The following COL25A1 variants were observed in gnomAD, a reference collection of about 807,000 sequenced individuals.
The protein encoded by COL25A1 is collagen alpha-1(XXV) chain.
COL25A1 carries 103 observed loss-of-function variants against 128.4 expected under a neutral mutation model. That is an observed-to-expected ratio of 0.80 (90% CI 0.68 to 0.94). COL25A1 has a LOEUF of 0.94. Among genes scored for constraint, COL25A1 ranks in the 40% least tolerant of loss-of-function variants. The probability of loss-of-function intolerance (pLI) is 0.00; values close to 1 mark genes in which losing one functional copy is unlikely to be tolerated. For missense variants in COL25A1, 745 were observed against 840.0 expected (o/e 0.89, Z 1.40); for synonymous variants, 279 against 277.2 (o/e 1.01, Z -0.06).
intron 6 of COL25A1, among the ~76,000 whole-genome samples, chr4:108,977,754 A>C (rs890494498): frequency 6.6e-6 from 1 of 152,226 alleles, no homozygotes; most frequent in East Asian, 1.9e-4. Context: ...GAGAAGCTAA[A>C]TAGCCTAGTG....
chr4:109,045,843 A>G (rs2125934964), intron 5 of COL25A1, among the ~76,000 whole-genome samples: 1 of 152,296 alleles, frequency 6.6e-6, no homozygotes, highest in South Asian at 2.1e-4. Flanking sequence ...CAAACATATT[A>G]TAACTTCTTT....
At chr4:109,154,390 A>G (rs894984472) in intron 3 of COL25A1, among the ~76,000 whole-genome samples, 1 of 152,198 alleles carries the variant, frequency 6.6e-6, no homozygotes. Flanking sequence ...GTCCTCTGCC[A>G]CTCAGGAGCT....
chr4:108,976,714 G>A (rs1251648876), intron 6 of COL25A1, among the ~76,000 whole-genome samples: 2 of 152,222 alleles, frequency 1.3e-5, no homozygotes, highest in Non-Finnish European at 2.9e-5. Context: ...AGGTGGGAAC[G>A]TAGCAATGCT....
intron 3 of COL25A1, among the ~76,000 whole-genome samples, chr4:109,062,109 G>A (rs748854100): frequency 6.6e-5 from 10 of 152,050 alleles, no homozygotes; most frequent in Admixed American, 2.6e-4. Flanking sequence ...GGCATCTTTC[G>A]TACTAATGAA....
intron 5 of COL25A1, among the ~76,000 whole-genome samples, chr4:109,041,177 G>C (rs913848935): frequency 2.6e-5 from 4 of 152,042 alleles, no homozygotes; most frequent in Non-Finnish European, 2.9e-5. Context: ...TCCATGGCAA[G>C]AGAAACGGTA....
At chr4:109,102,456 TAAAC>T (rs1765986925) in intron 3 of COL25A1, among the ~76,000 whole-genome samples, 1 of 152,150 alleles carries the variant, frequency 6.6e-6, no homozygotes, top group Non-Finnish European at 1.5e-5. Flanking sequence ...CATGTGCACT[TAAAC>T]AGACTCTTCT....
At chr4:109,048,597 G>C (rs909099490) in intron 4 of COL25A1, among the ~76,000 whole-genome samples, 2 of 152,082 alleles carry the variant, frequency 1.3e-5, no homozygotes, top group Non-Finnish European at 2.9e-5. Context: ...CCAATTATTT[G>C]TCCTTAGAAT....
chr4:109,242,278 C>T (rs187075718), intron 3 of COL25A1, among the ~76,000 whole-genome samples: 3 of 152,198 alleles, frequency 2.0e-5, no homozygotes, highest in South Asian at 4.1e-4. Flanking sequence ...TTCTAACAGC[C>T]TATTCTGTTC....
chr4:109,283,564 C>T (rs1723590778), intron 3 of COL25A1, among the ~76,000 whole-genome samples: 2 of 152,078 alleles, frequency 1.3e-5, no homozygotes, highest in Non-Finnish European at 2.9e-5. Flanking sequence ...CAGCTAGCAA[C>T]GTGTTTTTAA....
chr4:109,190,076 G>A (rs1312312756), intron 3 of COL25A1, among the ~76,000 whole-genome samples: 1 of 152,048 alleles, frequency 6.6e-6, no homozygotes, highest in Non-Finnish European at 1.5e-5. Context: ...TGATATGAAA[G>A]AAAAGTATGA....
At chr4:109,280,864 C>G (rs1560975607) in intron 3 of COL25A1, among the ~76,000 whole-genome samples, 1 of 151,974 alleles carries the variant, frequency 6.6e-6, no homozygotes, top group Non-Finnish European at 1.5e-5. Flanking sequence ...CCAGGCTGGT[C>G]TCGAACTCCT....
At chr4:109,166,914 T>C (rs936561025) in intron 3 of COL25A1, among the ~76,000 whole-genome samples, 8 of 152,186 alleles carry the variant, frequency 5.3e-5, no homozygotes, top group Non-Finnish European at 4.4e-5. Flanking sequence ...TCTTTCATCC[T>C]AGTTAGTGAC....
intron 6 of COL25A1, among the ~76,000 whole-genome samples, chr4:109,001,931 A>T (rs540113845): frequency 9.8e-5 from 15 of 152,312 alleles, no homozygotes; most frequent in African/African-American, 3.6e-4. Flanking sequence ...AAGAAGATAT[A>T]CCTAGGGCCA....
At chr4:108,829,605 A>G (rs1732842468) in intron 32 of COL25A1, among the ~76,000 whole-genome samples, 5 of 152,002 alleles carry the variant, frequency 3.3e-5, no homozygotes, top group African/African-American at 9.6e-5. Context: ...GATTATTTTG[A>G]TATAACCATT....
At chr4:109,081,622 C>A (rs1208997662) in intron 3 of COL25A1, among the ~76,000 whole-genome samples, 1 of 152,106 alleles carries the variant, frequency 6.6e-6, no homozygotes, top group East Asian at 1.9e-4. Flanking sequence ...AAAAAGAAAA[C>A]CCATACCCTT....
At chr4:109,232,318 A>T (rs1256822316) in intron 3 of COL25A1, among the ~76,000 whole-genome samples, 1 of 150,084 alleles carries the variant, frequency 6.7e-6, no homozygotes, top group Non-Finnish European at 1.5e-5. Flanking sequence ...AAGAAGTAAG[A>T]TAGTTCGTAT....
At chr4:109,140,202 T>C (rs1770262032) in intron 3 of COL25A1, among the ~76,000 whole-genome samples, 1 of 152,210 alleles carries the variant, frequency 6.6e-6, no homozygotes, top group Non-Finnish European at 1.5e-5. Flanking sequence ...ATGGGATGGC[T>C]GGGTCAAATG....
At chr4:108,861,878 A>G (rs1737264774) in intron 22 of COL25A1, among the ~76,000 whole-genome samples, 1 of 152,232 alleles carries the variant, frequency 6.6e-6, no homozygotes, top group Non-Finnish European at 1.5e-5. Flanking sequence ...AAAAAGGATT[A>G]TAATTCTTCC....
At chr4:108,956,344 A>G (rs1390535132) in intron 8 of COL25A1, among the ~76,000 whole-genome samples, 1 of 152,188 alleles carries the variant, frequency 6.6e-6, no homozygotes, top group African/African-American at 2.4e-5. Flanking sequence ...TACACAGATA[A>G]TAATACTTAA....
Sources: gnomAD v4.1 joint callset for allele counts (sites outside exome capture counted in the v4.1 genomes callset) on GRCh38, gnomAD v4.1.1 for gene constraint, MANE v1.5 for transcripts, NCBI Gene and HGNC (gene_info 2026-07-23, HGNC 2026-07-21) for gene names.